The following PPARD variants were observed in gnomAD, a reference collection of about 807,000 sequenced individuals.
PPARD encodes the protein peroxisome proliferator-activated receptor delta.
A neutral mutation model predicts 39.5 loss-of-function variants in PPARD; 6 were observed. The observed-to-expected ratio is 0.15, with a 90% CI of 0.08 to 0.30. The LOEUF (loss-of-function observed/expected upper bound fraction) is 0.30. PPARD is among the 10% of genes least tolerant of loss of function. The pLI, the probability that PPARD is intolerant of heterozygous loss-of-function variation, is 1.00. For synonymous variants in PPARD, 210 were observed against 231.3 expected (o/e 0.91, Z 0.83); for missense variants, 397 against 596.8 (o/e 0.67, Z 3.49).
At chr6:35,414,990 G>A (rs962670186) in intron 3 of PPARD, among the ~76,000 whole-genome samples, 16 of 152,198 alleles carry the variant, frequency 1.1e-4, no homozygotes, top group African/African-American at 3.4e-4. Context: ...TCCCCTGGGC[G>A]TGTAGGAGTA....
rs998401808 is a variant in PPARD at position 35,401,615 on chromosome 6, C to T, written c.-101-9372C>T. Among the ~76,000 whole-genome samples, 2 of 152,270 alleles carry T rather than the reference C, an allele frequency of 1.3e-5. No homozygotes were observed. Among genetic ancestry groups the T allele is most frequent in the Middle Eastern group, 3.4e-3 (1 of 294 alleles). On this transcript the variant is annotated intron_variant, in intron 2 of 7. Transcript: ENST00000360694. The surrounding 1 kb of genome is among the most constrained non-coding windows in gnomAD (Gnocchi z 4.1). ...CTTTTCACATCACTGTTCCCATCAC[C>T]CTGGAATCCCACTCAGCCTGCCTGG... is the stretch of plus-strand genomic sequence containing the variant.
chr6:35,376,544 A>C (rs1428475359), intron 2 of PPARD, among the ~76,000 whole-genome samples: 1 of 151,648 alleles, frequency 6.6e-6, no homozygotes. Flanking sequence ...TCTGGCTGAG[A>C]CTTGGGTCCT....
intron 3 of PPARD, among the ~76,000 whole-genome samples, chr6:35,413,903 C>T (rs956591047): frequency 2.0e-5 from 3 of 151,998 alleles, no homozygotes; most frequent in Admixed American, 6.6e-5. Flanking sequence ...AGGCTAGTCA[C>T]GAACTCCTCA....
chr6:35,354,508 C>T (rs1761455001), intron 2 of PPARD, among the ~76,000 whole-genome samples: 1 of 151,926 alleles, frequency 6.6e-6, no homozygotes, highest in Non-Finnish European at 1.5e-5. Flanking sequence ...ACAATGTTGG[C>T]CAGGCTGGTT....
chr6:35,372,302 C>T (rs1377024911), intron 2 of PPARD, among the ~76,000 whole-genome samples: 1 of 152,196 alleles, frequency 6.6e-6, no homozygotes, highest in African/African-American at 2.4e-5. Context: ...TTCAGCCTCC[C>T]GAGTAGCTGG....
At chr6:35,346,519 C>T (rs1792194192) in intron 1 of PPARD, among the ~76,000 whole-genome samples, 1 of 152,154 alleles carries the variant, frequency 6.6e-6, no homozygotes, top group Non-Finnish European at 1.5e-5. Context: ...TTTTCTCTGC[C>T]GTTGGAGCCA....
intron 2 of PPARD, among the ~76,000 whole-genome samples, chr6:35,388,807 G>A (rs1738121181): frequency 1.3e-5 from 2 of 152,252 alleles, no homozygotes; most frequent in South Asian, 4.1e-4. Flanking sequence ...CAAACATGTG[G>A]CAGAGGGTCG....
rs1166695266 is a variant in PPARD at position 35,342,567 on chromosome 6, G to A, written c.-300G>A. 6.6e-6 allele frequency: 1 copy of A among 152,346 alleles called. No individual in the cohort carries two copies. Among genetic ancestry groups the A allele is most frequent in the Non-Finnish European group, 1.5e-5 (1 of 68,118 alleles). 9.4% of individuals were successfully genotyped at this position (152,346 alleles called of 1,614,324 possible). On this transcript the variant is annotated 5_prime_UTR_variant, in exon 1 of 8. In the 5' UTR this introduces an upstream ATG that the reference lacks. Transcript: ENST00000360694. Reference sequence around the variant, plus strand: ...GGGGCGGGGCCGGGCCGCGGAGCGTGTGACGCTGCGGCCGCCGCGGACCTG... The same window carrying A: ...GGGGCGGGGCCGGGCCGCGGAGCGTATGACGCTGCGGCCGCCGCGGACCTG...
chr6:35,408,581 G>A (rs780801686), intron 2 of PPARD, among the ~76,000 whole-genome samples: 3 of 152,186 alleles, frequency 2.0e-5, no homozygotes, highest in Non-Finnish European at 4.4e-5. Flanking sequence ...TCAAGTCCCT[G>A]CAATGCAGTG....
chr6:35,407,116 C>T (rs1243169090), intron 2 of PPARD, among the ~76,000 whole-genome samples: 1 of 152,142 alleles, frequency 6.6e-6, no homozygotes, highest in African/African-American at 2.4e-5. Flanking sequence ...CAGGTCTTCC[C>T]CAGGGTCACC....
intron 3 of PPARD, among the ~76,000 whole-genome samples, chr6:35,415,405 A>G (rs1765689211): frequency 6.6e-6 from 1 of 152,216 alleles, no homozygotes; most frequent in Non-Finnish European, 1.5e-5. Context: ...CAGCCATGAC[A>G]ACGGCATTCT....
intron 2 of PPARD, among the ~76,000 whole-genome samples, chr6:35,382,600 C>G (rs1175716781): frequency 6.6e-6 from 1 of 152,224 alleles, no homozygotes; most frequent in Non-Finnish European, 1.5e-5. Context: ...CCAAGAACAT[C>G]TATTGCTGTT....
intron 2 of PPARD, among the ~76,000 whole-genome samples, chr6:35,410,487 CT>C (rs1447039110): frequency 6.6e-6 from 1 of 152,176 alleles, no homozygotes; most frequent in African/African-American, 2.4e-5. Context: ...GGCTTTATGT[CT>C]TTTTTCCACA....
intron 2 of PPARD, among the ~76,000 whole-genome samples, chr6:35,395,397 G>A (rs944357479): frequency 6.6e-6 from 1 of 152,210 alleles, no homozygotes; most frequent in African/African-American, 2.4e-5. Flanking sequence ...CTGACTTGAT[G>A]TTCAGGCAGT....
chr6:35,420,415 C>A, intron 4 of PPARD, 134 bp downstream of exon 4: 1 of 1,247,178 alleles, frequency 8.0e-7, no homozygotes, highest in Non-Finnish European at 1.1e-6. Flanking sequence ...CAGGAGGCAG[C>A]CAGGCCCTTG....
intron 2 of PPARD, among the ~76,000 whole-genome samples, chr6:35,372,016 G>A (rs1218728437): frequency 6.6e-6 from 1 of 152,200 alleles, no homozygotes. Context: ...GGTGGGTCTG[G>A]GTTTGAATCC....
intron 2 of PPARD, among the ~76,000 whole-genome samples, chr6:35,404,953 T>TG (rs1764934030): frequency 1.4e-5 from 2 of 142,132 alleles, no homozygotes; most frequent in East Asian, 2.1e-4. Context: ...ACTGCAGGCT[T>TG]TGTGTGTGTG....
At chr6:35,400,556 T>A (rs1764638528) in intron 2 of PPARD, among the ~76,000 whole-genome samples, 1 of 152,002 alleles carries the variant, frequency 6.6e-6, no homozygotes, top group Admixed American at 6.6e-5. Context: ...TCTCAGCACT[T>A]TGGGAGGCTG....
chr6:35,354,527 C>T (rs944608177), intron 2 of PPARD, among the ~76,000 whole-genome samples: 2 of 151,972 alleles, frequency 1.3e-5, no homozygotes, highest in Admixed American at 1.3e-4. Context: ...TTTCTAACTC[C>T]TGACCAGGTG....
Sources: gnomAD v4.1 joint callset for allele counts (sites outside exome capture counted in the v4.1 genomes callset) on GRCh38, gnomAD v4.1.1 for gene constraint, Gnocchi (gnomAD v3.1) non-coding constraint, MANE v1.5 for transcripts, NCBI Gene and HGNC (gene_info 2026-07-23, HGNC 2026-07-21) for gene names.